ZFAT: variants seen among roughly 807,000 people sequenced by gnomAD.
ZFAT encodes zinc finger and AT-hook domain containing.
In ZFAT, 64 loss-of-function variants were observed where a neutral mutation model predicts 117.7. The observed-to-expected ratio is 0.54, with a 90% CI of 0.44 to 0.67. The LOEUF is 0.67. Ranked by LOEUF, ZFAT falls within the 30% of genes least tolerant of loss-of-function variation. The pLI, the probability that ZFAT is intolerant of heterozygous loss-of-function variation, is 0.00. For missense variants in ZFAT, 1,433 were observed against 1,584.5 expected (o/e 0.90, Z 1.62); for synonymous variants, 679 against 615.0 (o/e 1.10, Z -1.54).
chr8:134,737,152 T>C, the ZFAT span, among the ~76,000 whole-genome samples: 1 of 151,988 alleles, frequency 6.6e-6, no homozygotes, highest in African/African-American at 2.4e-5. Flanking sequence ...TGGTGGCGCA[T>C]GATTGTAATC....
chr8:134,713,114 C>G (rs1019139312), upstream of ZFAT: 2 of 395,752 alleles, frequency 5.1e-6, no homozygotes, highest in Non-Finnish European at 8.9e-6. Context: ...CGGCGCCGAG[C>G]GCGGCCCGGC....
intron 10 of ZFAT, among the ~76,000 whole-genome samples, chr8:134,566,630 T>C (rs1250512426): frequency 6.6e-6 from 1 of 152,152 alleles, no homozygotes; most frequent in African/African-American, 2.4e-5. Flanking sequence ...CCTCAGGGCA[T>C]TACACCCACA....
At chr8:134,547,033 C>T (rs1822753191) in intron 11 of ZFAT, among the ~76,000 whole-genome samples, 1 of 152,196 alleles carries the variant, frequency 6.6e-6, no homozygotes, top group African/African-American at 2.4e-5. Context: ...ATAATGAGAG[C>T]TGTCACTGAG....
At chr8:134,760,280 A>AAAAC in the ZFAT span, among the ~76,000 whole-genome samples, 2 of 129,374 alleles carry the variant, frequency 1.5e-5, no homozygotes, top group African/African-American at 5.5e-5. Flanking sequence ...AAAGAAAAAA[A>AAAAC]AAAAAAAACA....
chr8:134,617,217 A>G (rs1737969990), intron 3 of ZFAT, among the ~76,000 whole-genome samples: 1 of 152,180 alleles, frequency 6.6e-6, no homozygotes, highest in Non-Finnish European at 1.5e-5. Flanking sequence ...CAGCCATGAG[A>G]GCGTCCCATG....
At chr8:134,755,012 A>C in the ZFAT span, among the ~76,000 whole-genome samples, 1 of 151,994 alleles carries the variant, frequency 6.6e-6, no homozygotes, top group African/African-American at 2.4e-5. Flanking sequence ...AGCCAGCCTT[A>C]CCTTTTTGGT....
At chr8:134,569,468 TAAGGTGACTGCCCATCAG>T (rs138426554) in intron 10 of ZFAT, among the ~76,000 whole-genome samples, 1 of 151,992 alleles carries the variant, frequency 6.6e-6, no homozygotes, top group Admixed American at 6.5e-5. Flanking sequence ...CACTAACACA[TAAGGTGACTGCCCATCAG>T]AAGGTGACTA....
chr8:134,764,515 G>A, the ZFAT span, among the ~76,000 whole-genome samples: 1 of 152,202 alleles, frequency 6.6e-6, no homozygotes, highest in African/African-American at 2.4e-5. Context: ...TAGGTTCCAT[G>A]TGGTTTTCCT....
At chr8:134,633,538 A>G (rs1436374353) in intron 3 of ZFAT, among the ~76,000 whole-genome samples, 1 of 152,226 alleles carries the variant, frequency 6.6e-6, no homozygotes, top group Non-Finnish European at 1.5e-5. Flanking sequence ...AGGTATGCCC[A>G]TGCATATGAA....
rs1476647790 is a variant in ZFAT, at chr8:134,677,306, C to T, written c.20-19569G>A. On this transcript the variant is annotated intron_variant, in intron 1 of 15. Coordinates refer to ENST00000377838, the MANE Select transcript of ZFAT (RefSeq NM_020863.4). ...AAATACAAACTACCATCAGAGAATA[C>T]TATAAACACCTCTATGCAAATAAAC... Among the ~76,000 whole-genome samples, 7 of 152,172 alleles carry T rather than the reference C, an allele frequency of 4.6e-5. No homozygotes were observed. The East Asian group carries it at 1.2e-3, about 25-fold the overall frequency.
the ZFAT span, among the ~76,000 whole-genome samples, chr8:134,744,715 G>T: frequency 1.3e-5 from 2 of 149,824 alleles, no homozygotes; most frequent in Non-Finnish European, 1.5e-5. Flanking sequence ...CCTTCAGGAA[G>T]GGCCTACTCT....
intron 7 of ZFAT, among the ~76,000 whole-genome samples, chr8:134,593,283 CA>C (rs1409905818): frequency 6.6e-6 from 1 of 151,424 alleles, no homozygotes; most frequent in African/African-American, 2.4e-5. Flanking sequence ...CAGAGCTTAT[CA>C]GGGGCCCTTA....
intron 11 of ZFAT, among the ~76,000 whole-genome samples, chr8:134,549,428 G>A (rs1233645625): frequency 4.9e-5 from 7 of 144,192 alleles, no homozygotes; most frequent in East Asian, 2.1e-4. Flanking sequence ...GCGACAGAGC[G>A]AGACTCCGTC....
intron 10 of ZFAT, among the ~76,000 whole-genome samples, chr8:134,581,385 C>A (rs751012282): frequency 2.0e-5 from 3 of 152,168 alleles, no homozygotes; most frequent in Non-Finnish European, 4.4e-5. Context: ...CTATTTCCAT[C>A]CCTTTTGCTC....
rs112867180 is a variant in ZFAT at position 134,620,014 on chromosome 8, C to T, written c.449-9359G>A. Among the ~76,000 whole-genome samples the T allele has an allele frequency of 3.6e-3, 545 of 152,234 alleles. 6 individuals are homozygous for T. Among genetic ancestry groups the T allele is most frequent in the African/African-American group, 0.013 (522 of 41,538 alleles). On this transcript the variant is annotated intron_variant, in intron 3 of 15. Coordinates refer to ENST00000377838, the MANE Select transcript of ZFAT (RefSeq NM_020863.4). ...GAGGAACCAGCCGAACAGCTGGCTC[C>T]ACAATGAGATGAGGTGATAGTCAAA...
intron 15 of ZFAT, among the ~76,000 whole-genome samples, chr8:134,479,806 C>A (rs1200789455): frequency 6.6e-6 from 1 of 152,134 alleles, no homozygotes; most frequent in African/African-American, 2.4e-5. Context: ...GACACTTTTG[C>A]CCACAACCTT....
intron 13 of ZFAT, among the ~76,000 whole-genome samples, chr8:134,518,332 G>A (rs894007951): frequency 2.0e-5 from 3 of 152,146 alleles, no homozygotes; most frequent in Non-Finnish European, 4.4e-5. Flanking sequence ...AAATGCAAAT[G>A]TAATTTTGTT....
chr8:134,829,248 T>A, the ZFAT span, among the ~76,000 whole-genome samples: 1 of 152,234 alleles, frequency 6.6e-6, no homozygotes, highest in Non-Finnish European at 1.5e-5. Flanking sequence ...TCTAAAAATA[T>A]GAAATTTTTG....
At chr8:134,483,086 C>T (rs1247332493) in intron 15 of ZFAT, among the ~76,000 whole-genome samples, 1 of 152,210 alleles carries the variant, frequency 6.6e-6, no homozygotes, top group Admixed American at 6.5e-5. Context: ...CCCCTTTGTG[C>T]ATTTCATGGT....
Sources: gnomAD v4.1 joint callset for allele counts (sites outside exome capture counted in the v4.1 genomes callset) on GRCh38, gnomAD v4.1.1 for gene constraint, MANE v1.5 for transcripts, NCBI Gene and HGNC (gene_info 2026-07-23, HGNC 2026-07-21) for gene names.